The following YEATS2 variants were observed in gnomAD, a reference collection of about 807,000 sequenced individuals.
The protein encoded by YEATS2 is YEATS domain-containing protein 2.
A neutral mutation model predicts 163.2 loss-of-function variants in YEATS2; 77 were observed. That is an observed-to-expected ratio of 0.47 (90% confidence interval 0.39 to 0.57). The LOEUF (loss-of-function observed/expected upper bound fraction) is 0.57, where lower values mean the gene tolerates loss of function less well. Ranked by LOEUF, YEATS2 falls within the 20% of genes least tolerant of loss-of-function variation. The pLI is 0.00. For missense variants in YEATS2, 1,549 were observed against 1,729.8 expected, an observed-to-expected ratio of 0.90 and a Z score of 1.85; for synonymous variants, 631 against 645.1, an observed-to-expected ratio of 0.98 and a Z score of 0.33.
chr3:183,795,179 A>AG (rs962871121), intron 21 of YEATS2, among the ~76,000 whole-genome samples: 1 of 150,580 alleles, frequency 6.6e-6, no homozygotes, highest in African/African-American at 2.5e-5. Flanking sequence ...CTCAAAAAAA[A>AG]AAAAAGAAAA....
At chr3:183,776,405 G>A (rs891213603) in intron 18 of YEATS2, among the ~76,000 whole-genome samples, 1 of 151,950 alleles carries the variant, frequency 6.6e-6, no homozygotes, top group African/African-American at 2.4e-5. Flanking sequence ...TTAGCTGGGC[G>A]TGGTGGTGCA....
At chr3:183,745,236 A>G (rs1719404782) in intron 8 of YEATS2, among the ~76,000 whole-genome samples, 1 of 152,218 alleles carries the variant, frequency 6.6e-6, no homozygotes. Flanking sequence ...GGCATCCTAC[A>G]CAACAGTATC....
At position 183,806,981 on chromosome 3, in the gene YEATS2, C is replaced by G. The variant is rs767790900; in HGVS notation, c.3900C>G (p.Ser1300=). 6.2e-7 allele frequency: 1 copy of G among 1,613,834 alleles called. No homozygotes were observed. The highest frequency in any genetic ancestry group is 1.1e-5 in the South Asian group (1 of 91,058). The change falls in exon 28 of 31, where the codon TCC becomes TCG. Residue 1300 remains serine (S), a synonymous_variant. Coordinates refer to ENST00000305135, the MANE Select transcript of YEATS2 (RefSeq NM_018023.5). The part of the protein sequence containing the change: ...NEEEVDILSL[S]EPVKINIKKE... ...AGGAGGTGGACATCCTCAGCCTCTC[C>G]GAGCCAGTGAAGATAAACATCAAGA...
At chr3:183,717,168 C>T (rs569823478) in intron 2 of YEATS2, among the ~76,000 whole-genome samples, 102 of 152,174 alleles carry the variant, frequency 6.7e-4, no homozygotes, top group Non-Finnish European at 1.2e-3. Context: ...GCTGGGATTA[C>T]GGGTGCGAGC....
chr3:183,787,783 G>A (rs1178637072), intron 20 of YEATS2, among the ~76,000 whole-genome samples: 1 of 151,922 alleles, frequency 6.6e-6, no homozygotes, highest in African/African-American at 2.4e-5. Flanking sequence ...GGATCACGAG[G>A]TCAGGAGATC....
chr3:183,743,039 G>A lies in YEATS2; in HGVS notation c.925-4633G>A, dbSNP rs549130274. 3.3e-5 allele frequency among the ~76,000 whole-genome samples: 5 copies of A among 152,286 alleles called. No homozygotes were observed. In the South Asian group the frequency reaches 1.0e-3, roughly 32 times the overall value. ...TAATGCTGTTACATACTTAATAGAT[G>A]ACAGCATAGTATAAACATAATTTTT... On this transcript the variant is annotated intron_variant, in intron 8 of 30. Coordinates refer to ENST00000305135, the MANE Select transcript of YEATS2 (RefSeq NM_018023.5).
At chr3:183,789,328 C>G (rs1181641937) in intron 20 of YEATS2, among the ~76,000 whole-genome samples, 1 of 152,088 alleles carries the variant, frequency 6.6e-6, no homozygotes, top group African/African-American at 2.4e-5. Flanking sequence ...CATTCTTCTG[C>G]ATAAAGATAT....
intron 24 of YEATS2, 98 bp downstream of exon 24, chr3:183,800,666 G>A (rs1451054693): frequency 3.2e-6 from 3 of 946,732 alleles, no homozygotes; most frequent in Non-Finnish European, 4.9e-6. Flanking sequence ...GTAGCTCTAA[G>A]CCCTTGACGG....
intron 15 of YEATS2, among the ~76,000 whole-genome samples, chr3:183,766,200 CA>C (rs1247614673): frequency 6.6e-6 from 1 of 152,200 alleles, no homozygotes; most frequent in Non-Finnish European, 1.5e-5. Context: ...CTCAGCCACT[CA>C]TTACTGGTGT....
chr3:183,736,949 G>A (rs2081054285), intron 8 of YEATS2, 120 bp downstream of exon 8: 10 of 783,514 alleles, frequency 1.3e-5, no homozygotes, highest in Middle Eastern at 3.8e-4. Context: ...TACAACTTTC[G>A]ACTCCCCCAA....
At chr3:183,750,289 C>T (rs1720028483) in intron 9 of YEATS2, among the ~76,000 whole-genome samples, 1 of 152,180 alleles carries the variant, frequency 6.6e-6, no homozygotes, top group South Asian at 2.1e-4. Flanking sequence ...AATAATACTG[C>T]ATTGTATGTA....
rs891874052 is a variant in YEATS2 at position 183,798,127 on chromosome 3, T to C, written c.3226+76T>C. Reference sequence around the variant, plus strand: ...CCCGCATTTACCAGGTGGTGACTGCTCTGCCTGTGTACAGCCACCCTTCAG... The same window carrying C: ...CCCGCATTTACCAGGTGGTGACTGCCCTGCCTGTGTACAGCCACCCTTCAG... On this transcript the variant is annotated intron_variant, in intron 22 of 30. Transcript: ENST00000305135. 3 of 1,585,306 alleles carry C rather than the reference T, an allele frequency of 1.9e-6. No individual in the cohort carries two copies. In the African/African-American group the frequency reaches 4.2e-5, roughly 22 times the overall value.
At chr3:183,807,814 C>A (rs899241303) in intron 28 of YEATS2, 2 of 536,012 alleles carry the variant, frequency 3.7e-6, no homozygotes, top group East Asian at 6.4e-5. Context: ...GGATTATAGT[C>A]ATATTTTAAA....
At chr3:183,726,031 G>C (rs1717058917) in intron 6 of YEATS2, among the ~76,000 whole-genome samples, 1 of 151,736 alleles carries the variant, frequency 6.6e-6, no homozygotes, top group Non-Finnish European at 1.5e-5. Context: ...GTTAATACTT[G>C]GGCGTAATAC....
chr3:183,802,534 T>TCTATATATATACAC (rs1247191964), intron 25 of YEATS2: 2 of 129,308 alleles, frequency 1.5e-5, no homozygotes, highest in African/African-American at 5.4e-5. Context: ...TATATACACG[T>TCTATATATATACAC]GTATATACAC....
chr3:183,745,088 G>A (rs1172894572), intron 8 of YEATS2, among the ~76,000 whole-genome samples: 1 of 152,178 alleles, frequency 6.6e-6, no homozygotes, highest in Non-Finnish European at 1.5e-5. Flanking sequence ...GGCCTCCAGT[G>A]ATCCATCTGC....
intron 9 of YEATS2, among the ~76,000 whole-genome samples, chr3:183,750,069 C>T (rs749501344): frequency 5.5e-4 from 83 of 152,086 alleles, no homozygotes; most frequent in Admixed American, 5.9e-4. Context: ...CATGATCTGC[C>T]TGCCTCGGCC....
At chr3:183,773,919 TG>T in intron 17 of YEATS2, 125 bp downstream of exon 17, 1 of 1,178,684 alleles carries the variant, frequency 8.5e-7, no homozygotes, top group Non-Finnish European at 1.2e-6. Flanking sequence ...GGTGGTGTAA[TG>T]GTAGCATTTG....
intron 15 of YEATS2, among the ~76,000 whole-genome samples, chr3:183,770,301 A>G (rs990212135): frequency 4.6e-5 from 7 of 151,814 alleles, no homozygotes; most frequent in African/African-American, 1.2e-4. Flanking sequence ...GGAGAATGGC[A>G]TGAACCCGTG....
Sources: gnomAD v4.1 joint callset for allele counts (sites outside exome capture counted in the v4.1 genomes callset) on GRCh38, gnomAD v4.1.1 for gene constraint, MANE v1.5 for transcripts, NCBI Gene and HGNC (gene_info 2026-07-23, HGNC 2026-07-21) for gene names.